The following CIT variants were observed in gnomAD, a reference collection of about 807,000 sequenced individuals.
CIT encodes the protein citron Rho-interacting kinase.
In CIT, 79 loss-of-function variants were observed where a neutral mutation model predicts 272.7. The ratio of observed to expected loss-of-function variants is 0.29; its 90% CI spans 0.24 to 0.35. The LOEUF (loss-of-function observed/expected upper bound fraction) is 0.35. Among genes scored for constraint, CIT ranks in the 10% least tolerant of loss-of-function variants. CIT has a pLI of 1.00. For missense variants in CIT, 1,909 were observed against 2,618.3 expected, an observed-to-expected ratio of 0.73 and a Z score of 5.91; for synonymous variants, 948 against 995.6, an observed-to-expected ratio of 0.95 and a Z score of 0.90.
In CIT at chr12:119,708,333, G is replaced by T. The variant is rs1565916755; in HGVS notation, c.5072-15C>A. The stretch of plus-strand genomic sequence containing the variant: ...CCGCTCTTCTCCTGAACAGGAAAAG[G>T]AACAACCTCTCGTCAGTGTGAAGCC... On this transcript the variant is annotated splice_polypyrimidine_tract_variant and intron_variant, in intron 39 of 47. Transcript: ENST00000392521. The T allele has an allele frequency of 6.4e-7, 1 of 1,567,312 alleles. No homozygotes were observed. The highest frequency in any genetic ancestry group is 1.2e-5 in the South Asian group (1 of 84,098).
rs763250409 is a variant in CIT at position 119,803,372 on chromosome 12, G to A, written c.1129C>T (p.Pro377Ser). The change falls in exon 10 of 48, where the codon CCC becomes TCC. Residue 377 changes from proline (P) to serine (S), a missense_variant. This residue lies in a region of CIT where 529 missense variants were observed against 549.6 expected (regional missense o/e 0.96). Transcript: ENST00000392521. ...GTGTCATCGTCAGACTTGAGGGTGGGAACGAAGGGGGGAGGAGCTGGTTAA... is the reference window on the plus strand; with the variant it reads ...GTGTCATCGTCAGACTTGAGGGTGGAAACGAAGGGGGGAGGAGCTGGTTAA... ...NIRNSPPPFV[P>S]TLKSDDDTSN... The A allele has an allele frequency of 6.9e-5, 109 of 1,573,002 alleles. No homozygotes were observed. Among genetic ancestry groups the A allele is most frequent in the Non-Finnish European group, 9.1e-5 (106 of 1,164,256 alleles).
At chr12:119,738,108 GC>G (rs973547815) in intron 24 of CIT, among the ~76,000 whole-genome samples, 5 of 152,150 alleles carry the variant, frequency 3.3e-5, no homozygotes, top group African/African-American at 4.8e-5. Flanking sequence ...TAGGTAACTT[GC>G]CCAAGGTCAC....
In CIT at chr12:119,833,663, C is replaced by CAAAAA. The variant is rs35433156; in HGVS notation, c.659+418_659+422dup. ...CTGGCAACAGAGCTAGACTCTGTCT[C>CAAAAA]AAAAAAAAAAAAAAAAAAAAAAAAT... On this transcript the variant is annotated intron_variant, in intron 6 of 47. Coordinates refer to ENST00000392521, the MANE Select transcript of CIT (RefSeq NM_001206999.2). 4.8e-4 allele frequency among the ~76,000 whole-genome samples: 40 copies of CAAAAA among 83,810 alleles called. 3 individuals carry two copies. Among genetic ancestry groups the CAAAAA allele is most frequent in the African/African-American group, 1.6e-3 (34 of 21,414 alleles). The allele number at this position is 83,810 out of a possible 152,430, so 55.0% of individuals were successfully genotyped here.
chr12:119,832,360 GT>G (rs1488736459), intron 7 of CIT, among the ~76,000 whole-genome samples: 1 of 152,094 alleles, frequency 6.6e-6, no homozygotes, highest in Admixed American at 6.5e-5. Flanking sequence ...AGGATATTTG[GT>G]TCAAATGCTC....
rs773833659 is a variant in CIT, at chr12:119,869,081, C to T, written c.217G>A (p.Val73Met). ...SQPALMKIKH[V>M]SNFVRKYSDT... Reference sequence around the variant, plus strand: ...TTACACTTCCGGACAAAGTTGCTCACGTGCTTAATCTTCATCAGAGCAGGC... The same window carrying T: ...TTACACTTCCGGACAAAGTTGCTCATGTGCTTAATCTTCATCAGAGCAGGC... The change falls in exon 3 of 48, where the codon GTG becomes ATG. Residue 73 changes from valine to methionine, a missense_variant. Coordinates refer to ENST00000392521, the MANE Select transcript of CIT (RefSeq NM_001206999.2). 3.1e-6 allele frequency: 5 copies of T among 1,611,370 alleles called. No individual in the cohort carries two copies. The highest frequency in any genetic ancestry group is 2.2e-5 in the South Asian group (2 of 90,422).
In CIT at chr12:119,710,510, A is replaced by T. The variant is rs1414667572; in HGVS notation, c.4935+30T>A. 6.2e-7 allele frequency: 1 copy of T among 1,613,156 alleles called. No homozygotes were observed. Among genetic ancestry groups the T allele is most frequent in the African/African-American group, 1.3e-5 (1 of 74,888 alleles). On this transcript the variant is annotated intron_variant, in intron 38 of 47. Transcript: ENST00000392521. The surrounding 1 kb of genome is among the most constrained non-coding windows in gnomAD (Gnocchi z 5.6). ...TGATGGGGTGTGGCTGTAACCAGAC[A>T]CCAGCTGGCCGTGCCCATGCAAGCA...
At chr12:119,801,957 A>G in intron 10 of CIT, among the ~76,000 whole-genome samples, 1 of 152,138 alleles carries the variant, frequency 6.6e-6, no homozygotes. Flanking sequence ...CCTCACATTC[A>G]ATCACAGCCC....
intron 24 of CIT, among the ~76,000 whole-genome samples, chr12:119,739,345 T>C (rs1043196160): frequency 2.0e-5 from 3 of 152,178 alleles, no homozygotes; most frequent in Admixed American, 6.5e-5. Flanking sequence ...AATCTTACTG[T>C]GCATGAGCTT....
At chr12:119,700,381 G>T (rs990472037) in intron 44 of CIT, among the ~76,000 whole-genome samples, 2 of 151,796 alleles carry the variant, frequency 1.3e-5, no homozygotes, top group African/African-American at 4.8e-5. Flanking sequence ...TGCAATTGCG[G>T]TTTTTTTTGT....
chr12:119,869,258 T>G, intron 2 of CIT, 57 bp from the exon 3 acceptor site: 2 of 1,523,678 alleles, frequency 1.3e-6, no homozygotes, highest in Non-Finnish European at 1.8e-6. Context: ...CTTTGATCAA[T>G]AACATCCACA....
chr12:119,829,293 G>A (rs879552328), intron 7 of CIT, among the ~76,000 whole-genome samples: 6 of 150,888 alleles, frequency 4.0e-5, no homozygotes, highest in South Asian at 2.1e-4. Flanking sequence ...AGCCAAGGTC[G>A]CCCACTGCAC....
In CIT at chr12:119,746,587, G is replaced by A. The variant is rs1342932247; in HGVS notation, c.2905-4123C>T. Among the ~76,000 whole-genome samples the A allele has an allele frequency of 2.0e-5, 3 of 152,176 alleles. No homozygotes were observed. The South Asian group carries it at 6.2e-4, about 31-fold the overall frequency. ...ATTCCACTTTCTTATTAACAGCAAAGTTTCAAATAACACAGCACCATTAAA... is the reference window on the plus strand; with the variant it reads ...ATTCCACTTTCTTATTAACAGCAAAATTTCAAATAACACAGCACCATTAAA... On this transcript the variant is annotated intron_variant, in intron 23 of 47. Coordinates refer to ENST00000392521, the MANE Select transcript of CIT (RefSeq NM_001206999.2).
At position 119,688,133 on chromosome 12, in the gene CIT, T is replaced by C; in HGVS notation, c.*99A>G. ...GGGCCCCGCTGAGCCAGAGGGTGGCTGAGCACGTGGGCGCTTGGGTCCCCA... is the reference window on the plus strand; with the variant it reads ...GGGCCCCGCTGAGCCAGAGGGTGGCCGAGCACGTGGGCGCTTGGGTCCCCA... On this transcript the variant is annotated 3_prime_UTR_variant, in exon 48 of 48. Coordinates refer to ENST00000392521, the MANE Select transcript of CIT (RefSeq NM_001206999.2). The C allele has an allele frequency of 7.5e-7, 1 of 1,337,128 alleles. No individual in the cohort carries two copies. Among genetic ancestry groups the C allele is most frequent in the South Asian group, 1.2e-5 (1 of 85,084 alleles). 82.8% of individuals were successfully genotyped at this position (1,337,128 alleles called of 1,614,324 possible). A position where few individuals can be genotyped will look rare whatever the true frequency, so the allele number is the denominator to read the frequency against.
At chr12:119,724,735 C>A (rs1405868553) in intron 28 of CIT, among the ~76,000 whole-genome samples, 2 of 151,898 alleles carry the variant, frequency 1.3e-5, no homozygotes, top group Non-Finnish European at 2.9e-5. Context: ...GTCAAGAGAT[C>A]GAGACCATCC....
chr12:119,708,095 G>A (rs1956970297), intron 40 of CIT, 84 bp downstream of exon 40: 1 of 1,357,948 alleles, frequency 7.4e-7, no homozygotes. Context: ...CTATCTTGAA[G>A]GTCAAATCAA....
chr12:119,737,173 G>A (rs1340754164), intron 24 of CIT, among the ~76,000 whole-genome samples: 1 of 151,884 alleles, frequency 6.6e-6, no homozygotes, highest in African/African-American at 2.4e-5. Flanking sequence ...CAGGCGTGGT[G>A]GCGGGCACCT....
Position 119,722,069 on chromosome 12 carries a change from G to T in CIT, c.3592-620C>A, listed in dbSNP as rs898745846. ...CAGAGTGTTGGTAAAACCCAGAAAA[G>T]AAATTCAATTAAGTATATTGAAAAT... On this transcript the variant is annotated intron_variant, in intron 28 of 47. Transcript: ENST00000392521. Among the ~76,000 whole-genome samples, 37 of 152,138 alleles carry T rather than the reference G, an allele frequency of 2.4e-4. 1 individual carries two copies. Among genetic ancestry groups the T allele is most frequent in the African/African-American group, 7.2e-4 (30 of 41,418 alleles).
In CIT at chr12:119,728,555, A is replaced by G. The variant is rs1565949973; in HGVS notation, c.3538T>C (p.Leu1180=). Residue 1180 remains leucine (L), a synonymous_variant, in exon 28 of 48, where the codon TTA becomes CTA. Transcript: ENST00000392521. This position sits in a 1 kb window ranked among gnomAD's most constrained non-coding sequence, Gnocchi z 4.3. ...HAMLEMNARS[L]QQKLETEREL... ...CGTTCAGTCTCCAGCTTCTGCTGTA[A>G]GCTTCGGGCATTCATTTCAAGCATA... 6.2e-7 allele frequency: 1 copy of G among 1,613,878 alleles called. No individual in the cohort carries two copies. The highest frequency in any genetic ancestry group is 8.5e-7 in the Non-Finnish European group (1 of 1,179,928).
intron 6 of CIT, among the ~76,000 whole-genome samples, chr12:119,833,467 C>A (rs924455130): frequency 1.3e-5 from 2 of 151,960 alleles, no homozygotes; most frequent in African/African-American, 4.8e-5. Flanking sequence ...GAGATCAAGA[C>A]CATCCTGGCC....
Sources: allele counts gnomAD v4.1 joint callset (sites outside exome capture counted in the v4.1 genomes callset), GRCh38; gene constraint gnomAD v4.1.1; regional missense constraint gnomAD v4.1.1; non-coding constraint Gnocchi (gnomAD v3.1); transcripts MANE v1.5; gene names NCBI Gene and HGNC (gene_info 2026-07-23, HGNC 2026-07-21).